Variants in RBFOX3 observed in about 807,000 individuals in gnomAD.
The protein encoded by RBFOX3 is RNA binding protein fox-1 homolog 3.
Under a neutral mutation model 48.7 loss-of-function variants are expected in RBFOX3, and 17 were observed. The observed-to-expected ratio is 0.35, with a 90% CI of 0.24 to 0.52. RBFOX3 has a LOEUF of 0.52. Among genes scored for constraint, RBFOX3 ranks in the 20% least tolerant of loss-of-function variants. RBFOX3 has a pLI of 0.94. For synonymous variants in RBFOX3, 212 were observed against 209.5 expected (o/e 1.01, Z -0.10); for missense variants, 382 against 497.5 (o/e 0.77, Z 2.21).
intron 1 of RBFOX3, among the ~76,000 whole-genome samples, chr17:79,503,075 G>A (rs1256334340): frequency 6.6e-6 from 1 of 152,196 alleles, no homozygotes; most frequent in African/African-American, 2.4e-5. Flanking sequence ...ACAGACAGAT[G>A]CCTGTTCCCT....
intron 4 of RBFOX3, among the ~76,000 whole-genome samples, chr17:79,172,041 G>A (rs2049411498): frequency 6.6e-6 from 1 of 151,844 alleles, no homozygotes. Flanking sequence ...AGGGGTGGTG[G>A]TGCACGCCTG....
At chr17:79,620,826 G>A in the RBFOX3 span, among the ~76,000 whole-genome samples, 4 of 152,250 alleles carry the variant, frequency 2.6e-5, no homozygotes, top group East Asian at 1.9e-4. Flanking sequence ...CAGGGCAAAC[G>A]GCAGAGAAGG....
intron 14 of RBFOX3, 110 bp downstream of exon 14, chr17:79,094,341 C>T: frequency 1.3e-6 from 1 of 748,346 alleles, no homozygotes; most frequent in Non-Finnish European, 2.0e-6. Context: ...TCCAAAGTCT[C>T]CGGGACCAAG....
At chr17:79,093,791 C>CCCCACA (rs112110060) in intron 14 of RBFOX3, among the ~76,000 whole-genome samples, 61 of 143,934 alleles carry the variant, frequency 4.2e-4, no homozygotes, top group African/African-American at 1.4e-3. Context: ...CAACAGCTGG[C>CCCCACA]CACACACACA....
intron 2 of RBFOX3, among the ~76,000 whole-genome samples, chr17:79,371,988 G>A (rs373042450): frequency 7.9e-5 from 12 of 152,120 alleles, no homozygotes; most frequent in East Asian, 1.9e-4. Context: ...AGGCAGGTTC[G>A]GGGAGACCCT....
At chr17:79,173,708 T>C (rs1230539093) in intron 4 of RBFOX3, among the ~76,000 whole-genome samples, 1 of 151,974 alleles carries the variant, frequency 6.6e-6, no homozygotes, top group Non-Finnish European at 1.5e-5. Context: ...GGGAGGAAAA[T>C]GGTGAGCTGG....
chr17:79,414,078 G>A (rs1316872711), intron 2 of RBFOX3, among the ~76,000 whole-genome samples: 3 of 152,062 alleles, frequency 2.0e-5, no homozygotes, highest in Admixed American at 6.5e-5. Flanking sequence ...GGCTGGCCTC[G>A]GCCTTGTTAT....
rs1194050126 is a variant in RBFOX3 at position 79,254,990 on chromosome 17, G to T, written c.-73-19185C>A. On this transcript the variant is annotated intron_variant, in intron 3 of 14. Transcript: ENST00000693108. This position sits in a 1 kb window ranked among gnomAD's most constrained non-coding sequence, Gnocchi z 4.8. ...GCCCTCTATCCTGGGCAGGAACTGTGGGTCAGAGCGGAGGGCAGGCAGCTT... is the reference window on the plus strand; with the variant it reads ...GCCCTCTATCCTGGGCAGGAACTGTTGGTCAGAGCGGAGGGCAGGCAGCTT... Among the ~76,000 whole-genome samples the T allele has an allele frequency of 1.3e-5, 2 of 152,182 alleles. No homozygotes were observed. The highest frequency in any genetic ancestry group is 3.9e-4 in the East Asian group (2 of 5,180).
chr17:79,343,376 G>T (rs983266163), intron 2 of RBFOX3, among the ~76,000 whole-genome samples: 2 of 152,112 alleles, frequency 1.3e-5, no homozygotes, highest in Non-Finnish European at 2.9e-5. Flanking sequence ...AATTAGCCAG[G>T]TGTGGTGGTG....
chr17:79,452,249 A>G (rs529732357), intron 2 of RBFOX3, among the ~76,000 whole-genome samples: 7 of 152,160 alleles, frequency 4.6e-5, no homozygotes, highest in African/African-American at 1.7e-4. Flanking sequence ...AACTTTTTAG[A>G]GAGTAAGACT....
At chr17:79,523,958 C>G (rs2150019622) in intron 1 of RBFOX3, among the ~76,000 whole-genome samples, 2 of 152,298 alleles carry the variant, frequency 1.3e-5, no homozygotes, top group East Asian at 3.9e-4. Context: ...CAGACTTTCA[C>G]AGCCTCAAGT....
chr17:79,197,815 G>A (rs1296152071), intron 4 of RBFOX3, among the ~76,000 whole-genome samples: 2 of 152,100 alleles, frequency 1.3e-5, no homozygotes, highest in Non-Finnish European at 2.9e-5. Context: ...TTGTACAGCA[G>A]AGAGGGACGG....
intron 3 of RBFOX3, among the ~76,000 whole-genome samples, chr17:79,266,138 G>A (rs1175511529): frequency 6.6e-6 from 1 of 152,122 alleles, no homozygotes; most frequent in Non-Finnish European, 1.5e-5. Flanking sequence ...TGATTCCAAT[G>A]GGAAAAGACC....
intron 3 of RBFOX3, among the ~76,000 whole-genome samples, chr17:79,289,508 T>C (rs2072786977): frequency 6.6e-6 from 1 of 152,230 alleles, no homozygotes; most frequent in African/African-American, 2.4e-5. Flanking sequence ...CCAGAAATTA[T>C]CTGTCTTTTC....
intron 2 of RBFOX3, among the ~76,000 whole-genome samples, chr17:79,456,335 T>C (rs184659679): frequency 3.9e-4 from 60 of 152,254 alleles, no homozygotes; most frequent in Admixed American, 2.3e-3. Flanking sequence ...CATGGACATC[T>C]GGGGCTGGGT....
intron 2 of RBFOX3, among the ~76,000 whole-genome samples, chr17:79,354,661 CCTG>C (rs1598363025): frequency 6.6e-6 from 1 of 152,260 alleles, no homozygotes; most frequent in East Asian, 1.9e-4. Context: ...AAGCCAGGTT[CCTG>C]CTGCCTCTGG....
At chr17:79,227,432 T>A (rs750246148) in intron 4 of RBFOX3, among the ~76,000 whole-genome samples, 7 of 152,202 alleles carry the variant, frequency 4.6e-5, no homozygotes, top group Non-Finnish European at 8.8e-5. Flanking sequence ...TGTTTGAGCA[T>A]CAGCTCGTCC....
intron 4 of RBFOX3, among the ~76,000 whole-genome samples, chr17:79,189,109 A>C (rs1466252307): frequency 6.6e-6 from 1 of 152,244 alleles, no homozygotes; most frequent in Non-Finnish European, 1.5e-5. Context: ...AGAAGCACAC[A>C]AAGGGGGAGA....
rs1026305708 is a variant in RBFOX3, at chr17:79,218,435, C to A, written c.-34+17331G>T. On this transcript the variant is annotated intron_variant, in intron 4 of 14. Coordinates refer to ENST00000693108, the MANE Select transcript of RBFOX3 (RefSeq NM_001350451.2). ...GAGGCTCCCCGATCAGGTTCCGTCC[C>A]ATCCCAAAATAGCCTGGAAGGTCCA... is the stretch of plus-strand genomic sequence containing the variant. Among the ~76,000 whole-genome samples, 5 of 152,282 alleles carry A rather than the reference C, an allele frequency of 3.3e-5. No individual in the cohort carries two copies. In the East Asian group the frequency reaches 9.7e-4, roughly 29 times the overall value.
Sources: allele counts gnomAD v4.1 joint callset (sites outside exome capture counted in the v4.1 genomes callset), GRCh38; gene constraint gnomAD v4.1.1; non-coding constraint Gnocchi (gnomAD v3.1); transcripts MANE v1.5; gene names NCBI Gene and HGNC (gene_info 2026-07-23, HGNC 2026-07-21).